AKAP10: variants seen among roughly 807,000 people sequenced by gnomAD.
AKAP10 encodes A-kinase anchor protein 10, mitochondrial.
Under a neutral mutation model 80.8 loss-of-function variants are expected in AKAP10, and 24 were observed. The ratio of observed to expected loss-of-function variants is 0.30; its 90% CI spans 0.22 to 0.42. AKAP10 has a LOEUF of 0.42. AKAP10 is among the 10% of genes least tolerant of loss of function. AKAP10 has a pLI of 1.00. For synonymous variants in AKAP10, 291 were observed against 277.7 expected (o/e 1.05, Z -0.48); for missense variants, 661 against 794.9 (o/e 0.83, Z 2.03).
intron 5 of AKAP10, chr17:19,947,128 G>A (rs893679540): frequency 5.0e-6 from 2 of 398,792 alleles, no homozygotes; most frequent in African/African-American, 4.1e-5. Flanking sequence ...GTGCCGGTTA[G>A]CGTAGCCGCC....
At chr17:19,956,902 C>G (rs2043283089) in intron 4 of AKAP10, among the ~76,000 whole-genome samples, 1 of 150,460 alleles carries the variant, frequency 6.6e-6, no homozygotes, top group South Asian at 2.1e-4. Context: ...TCCTCGGGAG[C>G]CTGGTTGAGG....
intron 12 of AKAP10, 92 bp from the exon 13 acceptor site, chr17:19,910,070 G>C: frequency 7.8e-7 from 1 of 1,279,050 alleles, no homozygotes; most frequent in Non-Finnish European, 1.1e-6. Context: ...GTTCATGCCT[G>C]TAATTCCAGC....
intron 10 of AKAP10, among the ~76,000 whole-genome samples, chr17:19,930,179 C>A (rs991810254): frequency 6.6e-6 from 1 of 152,096 alleles, no homozygotes. Context: ...ATCCAAGGCC[C>A]AGTATTGAAA....
chr17:19,967,154 T>G lies in AKAP10; in HGVS notation c.136+1260A>C, dbSNP rs539732441. ...ATTTTATGGAAATAAATTGATGAAA[T>G]TAATATGTAATGACTATGGAAACAA... On this transcript the variant is annotated intron_variant, in intron 2 of 14. Transcript: ENST00000225737. Among the ~76,000 whole-genome samples, 15 of 152,208 alleles carry G rather than the reference T, an allele frequency of 9.9e-5. No homozygotes were observed. The South Asian group carries it at 3.1e-3, about 32-fold the overall frequency.
chr17:19,971,962 C>T (rs866477861), intron 1 of AKAP10, among the ~76,000 whole-genome samples: 41 of 152,192 alleles, frequency 2.7e-4, no homozygotes, highest in African/African-American at 9.6e-4. Context: ...AAAACTTAAC[C>T]GGGCGTTGTG....
At chr17:19,925,073 A>C (rs1473667638) in intron 10 of AKAP10, among the ~76,000 whole-genome samples, 2 of 152,108 alleles carry the variant, frequency 1.3e-5, no homozygotes, top group African/African-American at 2.4e-5. Flanking sequence ...CTGAGACATG[A>C]GAATCACTTG....
At chr17:19,921,559 G>C (rs1010946982) in intron 11 of AKAP10, among the ~76,000 whole-genome samples, 2 of 151,998 alleles carry the variant, frequency 1.3e-5, no homozygotes, top group African/African-American at 4.8e-5. Context: ...ATGTAGGCCA[G>C]GCATGGTGGC....
At chr17:19,936,549 T>A in intron 8 of AKAP10, 119 bp from the exon 9 acceptor site, 1 of 969,618 alleles carries the variant, frequency 1.0e-6, no homozygotes, top group Non-Finnish European at 1.5e-6. Context: ...GGCCTAGAAC[T>A]ATAGAGCTAT....
intron 1 of AKAP10, among the ~76,000 whole-genome samples, chr17:19,974,159 C>A (rs927708392): frequency 6.6e-6 from 1 of 151,998 alleles, no homozygotes; most frequent in African/African-American, 2.4e-5. Context: ...CCACTGCACT[C>A]CAGCTTGAAC....
rs1256423873 is a variant in AKAP10, at chr17:19,958,045, T to C, written c.846A>G (p.Pro282=). The change falls in exon 4 of 15, where the codon CCA becomes CCG. Residue 282 remains proline, a synonymous_variant. Transcript: ENST00000225737. Reference sequence around the variant, plus strand: ...TTAGTTTTCCTGACAATTCTTTTAGTGGAGAAGCGGGACTATTTCTACTGG... The same window carrying C: ...TTAGTTTTCCTGACAATTCTTTTAGCGGAGAAGCGGGACTATTTCTACTGG... ...TVASRNSPAS[P]LKELSGKLMK... 1 of 1,612,696 alleles carries C rather than the reference T, an allele frequency of 6.2e-7. No homozygotes were observed. The highest frequency in any genetic ancestry group is 1.7e-5 in the Admixed American group (1 of 59,710).
intron 2 of AKAP10, among the ~76,000 whole-genome samples, chr17:19,964,673 C>T (rs2043394945): frequency 6.6e-6 from 1 of 152,090 alleles, no homozygotes; most frequent in Non-Finnish European, 1.5e-5. Context: ...AGGCAGATCA[C>T]GAGGCCAGGA....
At chr17:19,932,686 G>T (rs986255728) in intron 9 of AKAP10, among the ~76,000 whole-genome samples, 1 of 151,980 alleles carries the variant, frequency 6.6e-6, no homozygotes, top group Non-Finnish European at 1.5e-5. Flanking sequence ...CCAGGCGTGT[G>T]ATTGCTGAGT....
chr17:19,909,530 T>C (rs1312920341), intron 13 of AKAP10, among the ~76,000 whole-genome samples: 1 of 152,138 alleles, frequency 6.6e-6, no homozygotes, highest in East Asian at 1.9e-4. Context: ...AAATAAAACA[T>C]TTTCCTTTTT....
At chr17:19,973,510 T>G (rs575675724) in intron 1 of AKAP10, among the ~76,000 whole-genome samples, 1 of 152,230 alleles carries the variant, frequency 6.6e-6, no homozygotes, top group East Asian at 1.9e-4. Context: ...TCAGTCTATC[T>G]TTTCCCAACT....
intron 4 of AKAP10, among the ~76,000 whole-genome samples, chr17:19,952,162 G>T (rs2043222950): frequency 1.3e-5 from 2 of 151,742 alleles, no homozygotes; most frequent in African/African-American, 2.4e-5. Flanking sequence ...TGTGAGAAAA[G>T]ATTAAAAATA....
intron 2 of AKAP10, 79 bp downstream of exon 2, chr17:19,968,335 A>T (rs1183107528): frequency 9.3e-7 from 1 of 1,073,834 alleles, no homozygotes; most frequent in Non-Finnish European, 1.4e-6. Flanking sequence ...CAAAAGAGAG[A>T]GTATAACAGG....
chr17:19,916,949 A>T (rs1227306767), intron 12 of AKAP10, among the ~76,000 whole-genome samples: 1 of 136,834 alleles, frequency 7.3e-6, no homozygotes, highest in Non-Finnish European at 1.6e-5. Flanking sequence ...AAAATAAATA[A>T]ATAAATAAAT....
In AKAP10 at chr17:19,936,281, G is replaced by T. The variant is rs767054513; in HGVS notation, c.1467+5C>A. ...TAGTTTGATACGTTTGAAGTTCTGG[G>T]TTACCTTCTCCATGGTTGTCCAGGC... On this transcript the variant is annotated splice_donor_5th_base_variant and intron_variant, in intron 9 of 14. Transcript: ENST00000225737. 12 of 1,606,878 alleles carry T rather than the reference G, an allele frequency of 7.5e-6. No homozygotes were observed. In the South Asian group the frequency reaches 1.1e-4, roughly 15 times the overall value.
intron 1 of AKAP10, among the ~76,000 whole-genome samples, chr17:19,976,166 G>A (rs2043563480): frequency 6.6e-6 from 1 of 152,194 alleles, no homozygotes; most frequent in African/African-American, 2.4e-5. Context: ...ATGAAACCAA[G>A]TTCGATTTTG....
Sources: gnomAD v4.1 joint callset for allele counts (sites outside exome capture counted in the v4.1 genomes callset) on GRCh38, gnomAD v4.1.1 for gene constraint, MANE v1.5 for transcripts, NCBI Gene and HGNC (gene_info 2026-07-23, HGNC 2026-07-21) for gene names.